ZFAT: variants seen among roughly 807,000 people sequenced by gnomAD.
ZFAT encodes the protein zinc finger protein ZFAT.
ZFAT carries 64 observed loss-of-function variants against 117.7 expected under a neutral mutation model. The observed-to-expected ratio is 0.54, with a 90% CI of 0.44 to 0.67. The LOEUF is 0.67. Ranked by LOEUF, ZFAT falls within the 30% of genes least tolerant of loss-of-function variation. The pLI, the probability that ZFAT is intolerant of heterozygous loss-of-function variation, is 0.00. For missense variants in ZFAT, 1,433 were observed against 1,584.5 expected, an observed-to-expected ratio of 0.90 and a Z score of 1.62; for synonymous variants, 679 against 615.0, an observed-to-expected ratio of 1.10 and a Z score of -1.54.
chr8:134,603,002 T>C, intron 5 of ZFAT, 69 bp from the exon 6 acceptor site: 1 of 1,535,058 alleles, frequency 6.5e-7, no homozygotes, highest in South Asian at 1.3e-5. Flanking sequence ...TACATCCTTT[T>C]CATGAACCAA....
At chr8:134,545,746 A>G (rs527990523) in intron 11 of ZFAT, among the ~76,000 whole-genome samples, 195 of 152,290 alleles carry the variant, frequency 1.3e-3, no homozygotes, top group African/African-American at 4.6e-3. Flanking sequence ...TGGGACAGAG[A>G]AAGGGTGGGC....
chr8:134,664,323 C>G (rs1307329167), intron 1 of ZFAT, among the ~76,000 whole-genome samples: 1 of 152,174 alleles, frequency 6.6e-6, no homozygotes, highest in African/African-American at 2.4e-5. Context: ...GCCACATGGC[C>G]TGTCCAGGGT....
rs534624823 is a variant in ZFAT at position 134,651,178 on chromosome 8, T to C, written c.196+6383A>G. On this transcript the variant is annotated intron_variant, in intron 2 of 15. Coordinates refer to ENST00000377838, the MANE Select transcript of ZFAT (RefSeq NM_020863.4). ...CATATGACCCAGCAATCCCACTCCTTGGTATATATCCAAGAGAAATGAAAA... is the reference window on the plus strand; with the variant it reads ...CATATGACCCAGCAATCCCACTCCTCGGTATATATCCAAGAGAAATGAAAA... Among the ~76,000 whole-genome samples the C allele has an allele frequency of 9.2e-3, 657 of 71,692 alleles. 6 individuals carry two copies. Among genetic ancestry groups the C allele is most frequent in the Non-Finnish European group, 0.013 (496 of 37,684 alleles). 47.0% of individuals were successfully genotyped at this position (71,692 alleles called of 152,430 possible).
At chr8:134,660,641 G>T (rs1340492580) in intron 1 of ZFAT, among the ~76,000 whole-genome samples, 1 of 152,184 alleles carries the variant, frequency 6.6e-6, no homozygotes, top group Non-Finnish European at 1.5e-5. Flanking sequence ...TGTTTTTACT[G>T]AAATTATTTC....
chr8:134,716,671 C>A (rs535811524), upstream of ZFAT, among the ~76,000 whole-genome samples: 12 of 152,292 alleles, frequency 7.9e-5, no homozygotes, highest in South Asian at 2.3e-3. Context: ...GAGGCAGTGA[C>A]AATTTGCATA....
the ZFAT span, among the ~76,000 whole-genome samples, chr8:134,776,561 C>T: frequency 3.3e-5 from 5 of 152,090 alleles, no homozygotes; most frequent in East Asian, 5.8e-4. Context: ...TAAAGTAAAA[C>T]GAGATGAGAC....
chr8:134,604,145 A>G (rs1377588989), intron 5 of ZFAT, among the ~76,000 whole-genome samples: 1 of 152,226 alleles, frequency 6.6e-6, no homozygotes, highest in Non-Finnish European at 1.5e-5. Context: ...ATAACAGCTA[A>G]TAATTATTGA....
chr8:134,541,011 G>A (rs974860416), intron 11 of ZFAT, among the ~76,000 whole-genome samples: 2 of 152,174 alleles, frequency 1.3e-5, no homozygotes, highest in Non-Finnish European at 2.9e-5. Context: ...GCCAGTTCTC[G>A]TAGGCCCAGC....
the ZFAT span, among the ~76,000 whole-genome samples, chr8:134,767,647 G>T: frequency 6.6e-6 from 1 of 152,048 alleles, no homozygotes; most frequent in African/African-American, 2.4e-5. Flanking sequence ...AACCAACCTG[G>T]GCAACATAAT....
Position 134,702,463 on chromosome 8 carries a change from T to A in ZFAT, c.19+10382A>T, listed in dbSNP as rs1266161129. Among the ~76,000 whole-genome samples the A allele has an allele frequency of 2.0e-5, 3 of 152,164 alleles. No individual in the cohort carries two copies. In the East Asian group the frequency reaches 5.8e-4, roughly 29 times the overall value. ...GGAACCCAATGGGAGATAAATTGAA[T>A]CTTGGGGACTGTTTCCCCCATACTG... On this transcript the variant is annotated intron_variant, in intron 1 of 15. Coordinates refer to ENST00000377838, the MANE Select transcript of ZFAT (RefSeq NM_020863.4).
the ZFAT span, among the ~76,000 whole-genome samples, chr8:134,749,477 C>T: frequency 6.6e-6 from 1 of 152,142 alleles, no homozygotes; most frequent in African/African-American, 2.4e-5. Flanking sequence ...CAAGGGAGCT[C>T]AAGCCTCATT....
intron 14 of ZFAT, among the ~76,000 whole-genome samples, chr8:134,511,880 C>A (rs772597655): frequency 6.6e-6 from 1 of 152,090 alleles, no homozygotes; most frequent in African/African-American, 2.4e-5. Context: ...AATGAGCGAT[C>A]CTGGTCTTTC....
rs1476244863 is a variant in ZFAT at position 134,602,726 on chromosome 8, G to A, written c.993C>T (p.Cys331=). 3 of 1,614,022 alleles carry A rather than the reference G, an allele frequency of 1.9e-6. No individual in the cohort carries two copies. The highest frequency in any genetic ancestry group is 3.3e-5 in the Admixed American group (2 of 60,010). ...HTGEKFACDY[C]SFTCLSKGHL... is the part of the protein sequence containing the mutation. ...GGCCCTTGCTCAGGCAGGTGAACGAGCAATAGTCGCAGGCGAACTTCTCTC... is the reference window on the plus strand; with the variant it reads ...GGCCCTTGCTCAGGCAGGTGAACGAACAATAGTCGCAGGCGAACTTCTCTC... Residue 331 remains cysteine (C), a synonymous_variant, in exon 6 of 16, where the codon TGC becomes TGT. Transcript: ENST00000377838.
chr8:134,481,856 GGTCT>G (rs1025690523), intron 15 of ZFAT, among the ~76,000 whole-genome samples: 1 of 152,204 alleles, frequency 6.6e-6, no homozygotes, highest in African/African-American at 2.4e-5. Flanking sequence ...GGCCACAGAG[GGTCT>G]GTGGTGGGAA....
chr8:134,832,123 G>A, the ZFAT span, among the ~76,000 whole-genome samples: 4 of 149,856 alleles, frequency 2.7e-5, no homozygotes, highest in African/African-American at 7.3e-5. Context: ...CCAGCGCCAG[G>A]GTGAGGGGCG....
intron 6 of ZFAT, 143 bp downstream of exon 6, chr8:134,601,334 G>A (rs1041109168): frequency 2.4e-6 from 3 of 1,262,084 alleles, no homozygotes; most frequent in Non-Finnish European, 2.1e-6. Context: ...GCCACACAGG[G>A]TCACCGTTCC....
chr8:134,667,386 G>A (rs1832282061), intron 1 of ZFAT, among the ~76,000 whole-genome samples: 6 of 151,594 alleles, frequency 4.0e-5, no homozygotes, highest in Admixed American at 3.9e-4. Context: ...CCAGCTACTT[G>A]GGAGGCTGAG....
chr8:134,745,592 G>T, the ZFAT span, among the ~76,000 whole-genome samples: 1 of 152,166 alleles, frequency 6.6e-6, no homozygotes, highest in South Asian at 2.1e-4. Context: ...AAAGTGCCGT[G>T]GACTCCCCAG....
the ZFAT span, chr8:134,766,136 T>G: frequency 2.6e-5 from 4 of 152,318 alleles, no homozygotes; most frequent in Admixed American, 2.6e-4. Flanking sequence ...CTCTCATTCA[T>G]TCAGTCATCA....
Sources: gnomAD v4.1 joint callset for allele counts (sites outside exome capture counted in the v4.1 genomes callset) on GRCh38, gnomAD v4.1.1 for gene constraint, MANE v1.5 for transcripts, NCBI Gene and HGNC (gene_info 2026-07-23, HGNC 2026-07-21) for gene names.